Variants in DNAH12 observed in about 807,000 individuals in gnomAD.
DNAH12 encodes the protein dynein axonemal heavy chain 12.
Under a neutral mutation model 371.5 loss-of-function variants are expected in DNAH12, and 285 were observed. That is an observed-to-expected ratio of 0.77 (90% CI 0.70 to 0.85). DNAH12 has a LOEUF of 0.85. Among genes scored for constraint, DNAH12 ranks in the 40% least tolerant of loss-of-function variants. The probability of loss-of-function intolerance (pLI) is 0.00; values close to 1 mark genes in which losing one functional copy is unlikely to be tolerated. For synonymous variants in DNAH12, 1,200 were observed against 1,213.0 expected (o/e 0.99, Z 0.22); for missense variants, 3,611 against 3,689.4 (o/e 0.98, Z 0.55).
intron 60 of DNAH12, among the ~76,000 whole-genome samples, chr3:57,343,759 T>C (rs2062465483): frequency 6.6e-6 from 1 of 152,114 alleles, no homozygotes; most frequent in Non-Finnish European, 1.5e-5. Context: ...GATTGTACAT[T>C]TGTTCAGTTC....
At chr3:57,395,214 C>T (rs944253103) in intron 43 of DNAH12, among the ~76,000 whole-genome samples, 12 of 151,442 alleles carry the variant, frequency 7.9e-5, no homozygotes, top group Non-Finnish European at 1.8e-4. Context: ...TCAGTGACAG[C>T]GTTGGGAGCT....
chr3:57,539,326 C>T (rs2069175944), intron 2 of DNAH12, among the ~76,000 whole-genome samples: 1 of 152,252 alleles, frequency 6.6e-6, no homozygotes, highest in South Asian at 2.1e-4. Flanking sequence ...CCTACACTAT[C>T]TGCTCCCACC....
intron 67 of DNAH12, among the ~76,000 whole-genome samples, chr3:57,310,160 A>G (rs2061556509): frequency 6.6e-6 from 1 of 152,172 alleles, no homozygotes; most frequent in Non-Finnish European, 1.5e-5. Context: ...ACCTCAGTCA[A>G]AATAATCCTT....
At chr3:57,306,163 G>A (rs1044735450) in intron 69 of DNAH12, among the ~76,000 whole-genome samples, 2 of 152,076 alleles carry the variant, frequency 1.3e-5, no homozygotes, top group African/African-American at 4.8e-5. Context: ...GACTGACACT[G>A]CCCGATCGCC....
Position 57,384,594 on chromosome 3 carries a change from T to C in DNAH12, c.7860+235A>G, listed in dbSNP as rs990256388. Among the ~76,000 whole-genome samples the C allele has an allele frequency of 4.1e-4, 63 of 152,268 alleles. 1 individual carries two copies. In the Middle Eastern group the frequency reaches 0.041, roughly 99 times the overall value. The stretch of plus-strand genomic sequence containing the variant: ...AGGAGATGGAGGCTGCAGTGGGCCA[T>C]GATTGCACTACTGCACTCCAGCTTG... On this transcript the variant is annotated intron_variant, in intron 49 of 73. Coordinates refer to ENST00000495027, the MANE Select transcript of DNAH12 (RefSeq NM_001366028.2).
chr3:57,452,906 T>A lies in DNAH12; in HGVS notation c.3723A>T (p.Glu1241Asp). ...CAAGTCGAGGTGAGTTACCAAGATA[T>A]TCATAAGCATATTTTACATTGCAAT... Reference protein sequence around the residue: ...IINCNVKYAYEYLGNSPRLVI... With the variant: ...IINCNVKYAYDYLGNSPRLVI... The change falls in exon 25 of 74, where the codon GAA becomes GAT. Residue 1241 changes from glutamate (E) to aspartate (D), a missense_variant. This residue lies in a region of DNAH12 where 2,266 missense variants were observed against 2,236.9 expected (regional missense o/e 1.01). Transcript: ENST00000495027. The A allele has an allele frequency of 6.4e-7, 1 of 1,551,378 alleles. No individual in the cohort carries two copies. The highest frequency in any genetic ancestry group is 8.7e-7 in the Non-Finnish European group (1 of 1,146,922).
In DNAH12 at chr3:57,461,547, A is replaced by G. The variant is rs980291335; in HGVS notation, c.2678T>C (p.Ile893Thr). 4.5e-6 allele frequency: 7 copies of G among 1,551,304 alleles called. No individual in the cohort carries two copies. The highest frequency in any genetic ancestry group is 3.9e-5 in the Admixed American group (2 of 50,982). Residue 893 changes from isoleucine to threonine, a missense_variant, in exon 19 of 74, where the codon ATA (isoleucine) becomes ACA (threonine). Around this residue, in one of 3 missense-constraint regions of DNAH12, gnomAD observed 1,314 missense variants for 1,398.7 expected, o/e 0.94. Coordinates refer to ENST00000495027, the MANE Select transcript of DNAH12 (RefSeq NM_001366028.2). ...EIQAILDDQI[I>T]KTQTMRGSPF... Reference sequence around the variant, plus strand: ...TGAGCCTCTCATTGTCTGAGTTTTTATAATTTGATCATCAAGGATGGCCTG... The same window carrying G: ...TGAGCCTCTCATTGTCTGAGTTTTTGTAATTTGATCATCAAGGATGGCCTG...
chr3:57,354,994 G>A (rs935791526), intron 59 of DNAH12, among the ~76,000 whole-genome samples: 1 of 152,044 alleles, frequency 6.6e-6, no homozygotes, highest in African/African-American at 2.4e-5. Context: ...GAAGGAAGTG[G>A]GTATAGCTAT....
rs79410508 is a variant in DNAH12 at position 57,464,971 on chromosome 3, C to T, written c.2350-2096G>A. On this transcript the variant is annotated intron_variant, in intron 17 of 73. Transcript: ENST00000495027. ...TTAAAGAAATTCTCTTTTCCGTCCC[C>T]TAGAGGGGGAATTGGCACAGGACTT... 3.1e-4 allele frequency among the ~76,000 whole-genome samples: 47 copies of T among 152,272 alleles called. No homozygotes were observed. The East Asian group carries it at 7.9e-3, about 26-fold the overall frequency.
chr3:57,434,370 C>T (rs1337868279), intron 30 of DNAH12, among the ~76,000 whole-genome samples: 3 of 152,154 alleles, frequency 2.0e-5, no homozygotes, highest in African/African-American at 7.2e-5. Context: ...TCTAGCATGG[C>T]CGTGACCCAC....
chr3:57,428,285 A>T, intron 34 of DNAH12: 1 of 940,018 alleles, frequency 1.1e-6, no homozygotes, highest in Non-Finnish European at 1.4e-6. Context: ...AAGCTAATAC[A>T]ATATGTAAAG....
At chr3:57,433,048 T>C (rs972335231) in intron 32 of DNAH12, among the ~76,000 whole-genome samples, 13 of 152,226 alleles carry the variant, frequency 8.5e-5, no homozygotes, top group Admixed American at 8.5e-4. Flanking sequence ...TTTGTTATTT[T>C]ATCCTAAAAT....
chr3:57,470,436 C>A lies in DNAH12; in HGVS notation c.2105+7G>T, dbSNP rs1455760682. On this transcript the variant is annotated splice_region_variant and intron_variant, in intron 16 of 73. Coordinates refer to ENST00000495027, the MANE Select transcript of DNAH12 (RefSeq NM_001366028.2). ...TGCTTGATTTTTATTACATTACCAGCAATTACCGTTTTTCTGATCGCTGCC... is the reference window on the plus strand; with the variant it reads ...TGCTTGATTTTTATTACATTACCAGAAATTACCGTTTTTCTGATCGCTGCC... 1.3e-6 allele frequency: 2 copies of A among 1,498,602 alleles called. No homozygotes were observed. The highest frequency in any genetic ancestry group is 1.4e-5 in the African/African-American group (1 of 70,340). The allele number at this position is 1,498,602 out of a possible 1,614,324, so 92.8% of individuals were successfully genotyped here. A position where few individuals can be genotyped will look rare whatever the true frequency, so the allele number is the denominator to read the frequency against.
chr3:57,470,313 G>A (rs1575646224), intron 16 of DNAH12, 130 bp downstream of exon 16: 2 of 888,104 alleles, frequency 2.3e-6, no homozygotes, highest in Admixed American at 6.3e-5. Flanking sequence ...CTCCTACATG[G>A]TACCTGGTTC....
intron 8 of DNAH12, among the ~76,000 whole-genome samples, chr3:57,504,437 G>A (rs532747994): frequency 6.6e-6 from 1 of 151,892 alleles, no homozygotes; most frequent in Non-Finnish European, 1.5e-5. Flanking sequence ...TTAAGACAGT[G>A]TCTCACTCTG....
In DNAH12 at chr3:57,403,399, A is replaced by C. The variant is rs1024901581; in HGVS notation, c.6858T>G (p.Thr2286=). ...TTTTTGCCATGGATGTAGCCAGACG[A>C]GTTAAAGATTGACGACCACTTCCTC... The part of the protein sequence containing the change: ...GLGGSGRQSL[T]RLATSMAKMH... The change falls in exon 43 of 74, where the codon ACT becomes ACG. Residue 2286 remains threonine (T), a synonymous_variant. Coordinates refer to ENST00000495027, the MANE Select transcript of DNAH12 (RefSeq NM_001366028.2). 6.4e-7 allele frequency: 1 copy of C among 1,551,588 alleles called. No individual in the cohort carries two copies. The highest frequency in any genetic ancestry group is 8.7e-7 in the Non-Finnish European group (1 of 1,146,920).
chr3:57,444,910 A>AC (rs1242110738), intron 28 of DNAH12, 94 bp from the exon 29 acceptor site: 8 of 887,600 alleles, frequency 9.0e-6, no homozygotes, highest in Non-Finnish European at 1.1e-5. Context: ...GCCCCACCCC[A>AC]CCCCCCTGGC....
At chr3:57,398,583 C>A (rs974737947) in intron 43 of DNAH12, among the ~76,000 whole-genome samples, 3,609 of 152,248 alleles carry the variant, frequency 0.024, 67 homozygotes, top group Admixed American at 0.035. Flanking sequence ...AAGGGAATTA[C>A]CTTAAGATTA....
chr3:57,502,736 G>A (rs6793162), intron 9 of DNAH12, among the ~76,000 whole-genome samples: 43,708 of 151,954 alleles, frequency 0.29, 7,517 homozygotes, highest in East Asian at 0.41. Flanking sequence ...TTTTAGAGAC[G>A]GGGTTTCACC....
Sources: allele counts gnomAD v4.1 joint callset (sites outside exome capture counted in the v4.1 genomes callset), GRCh38; gene constraint gnomAD v4.1.1; regional missense constraint gnomAD v4.1.1; transcripts MANE v1.5; gene names NCBI Gene and HGNC (gene_info 2026-07-23, HGNC 2026-07-21).